Variants in WDR70 observed in about 807,000 individuals in gnomAD.
WDR70 encodes WD repeat domain 70.
In WDR70, 53 loss-of-function variants were observed where a neutral mutation model predicts 88.6. That is an observed-to-expected ratio of 0.60 (90% CI 0.48 to 0.75). The LOEUF (loss-of-function observed/expected upper bound fraction) is 0.75. WDR70 is among the 30% of genes least tolerant of loss of function. WDR70 has a pLI of 0.00. For missense variants in WDR70, 610 were observed against 823.2 expected (o/e 0.74, Z 3.17); for synonymous variants, 280 against 270.0 (o/e 1.04, Z -0.36).
At chr5:37,639,230 C>T (rs985446404) in intron 10 of WDR70, among the ~76,000 whole-genome samples, 4 of 152,146 alleles carry the variant, frequency 2.6e-5, no homozygotes, top group Non-Finnish European at 5.9e-5. Flanking sequence ...GACAATTTTA[C>T]ACATTCTGAT....
In WDR70 at chr5:37,449,219, CT is replaced by C. The variant is rs755394731; in HGVS notation, c.686+5851del. Among the ~76,000 whole-genome samples the C allele has an allele frequency of 3.2e-4, 48 of 152,240 alleles. 1 individual carries two copies. Among genetic ancestry groups the C allele is most frequent in the Middle Eastern group, 3.4e-3 (1 of 294 alleles). Reference sequence around the variant, plus strand: ...GTTTCAACTGTGGTGATTGGGAGCTCTTTTAGTTTGGTCTTTTGTCGCTTTG... The same window carrying C: ...GTTTCAACTGTGGTGATTGGGAGCTCTTTAGTTTGGTCTTTTGTCGCTTTG... On this transcript the variant is annotated intron_variant, in intron 7 of 17. Coordinates refer to ENST00000265107, the MANE Select transcript of WDR70 (RefSeq NM_018034.4).
chr5:37,730,220 A>C (rs1298395880), intron 17 of WDR70, among the ~76,000 whole-genome samples: 1 of 152,080 alleles, frequency 6.6e-6, no homozygotes, highest in Non-Finnish European at 1.5e-5. Context: ...GGTTATCTAA[A>C]TGTTTCTTCA....
chr5:37,721,026 A>T (rs1440973315), intron 13 of WDR70, 89 bp from the exon 14 acceptor site: 3 of 1,061,248 alleles, frequency 2.8e-6, no homozygotes, highest in South Asian at 2.6e-5. Context: ...ATGATATTTG[A>T]TATAGTAGAC....
intron 13 of WDR70, among the ~76,000 whole-genome samples, chr5:37,709,352 T>G (rs1747445952): frequency 6.6e-6 from 1 of 152,228 alleles, no homozygotes; most frequent in African/African-American, 2.4e-5. Context: ...TAATTCACTT[T>G]TTTTAGGAGG....
In WDR70 at chr5:37,438,956, C is replaced by CA. The variant is rs895223500; in HGVS notation, c.552+976dup. 1.1e-3 allele frequency among the ~76,000 whole-genome samples: 170 copies of CA among 148,628 alleles called. 1 individual carries two copies. The highest frequency in any genetic ancestry group is 4.1e-3 in the African/African-American group (165 of 40,608). ...TTTTTGAGACAGAGTCTCACTCTGT[C>CA]ACCTAGGCTGGAGTGCAGTGGTGTG... On this transcript the variant is annotated intron_variant, in intron 6 of 17. Coordinates refer to ENST00000265107, the MANE Select transcript of WDR70 (RefSeq NM_018034.4).
intron 16 of WDR70, 34 bp from the exon 17 acceptor site, chr5:37,726,849 A>T: frequency 6.4e-7 from 1 of 1,563,782 alleles, no homozygotes; most frequent in Admixed American, 2.0e-5. Flanking sequence ...ATGCTCATTC[A>T]GTTTCTAATT....
intron 17 of WDR70, among the ~76,000 whole-genome samples, chr5:37,747,057 A>G (rs992923456): frequency 1.3e-5 from 2 of 152,212 alleles, no homozygotes; most frequent in African/African-American, 4.8e-5. Flanking sequence ...CAGCACATCA[A>G]AAAACTTAAT....
intron 5 of WDR70, among the ~76,000 whole-genome samples, chr5:37,398,581 CTG>C (rs1037498303): frequency 3.3e-5 from 5 of 152,124 alleles, no homozygotes; most frequent in African/African-American, 1.2e-4. Flanking sequence ...TTGCGTCTGT[CTG>C]TAGTTGATCA....
At chr5:37,748,196 A>G (rs1000067381) in intron 17 of WDR70, among the ~76,000 whole-genome samples, 2 of 152,242 alleles carry the variant, frequency 1.3e-5, no homozygotes, top group Admixed American at 6.5e-5. Flanking sequence ...ATCCTAAGCA[A>G]AAAGAACAAA....
intron 11 of WDR70, among the ~76,000 whole-genome samples, chr5:37,699,228 A>G (rs917467850): frequency 2.6e-5 from 4 of 151,922 alleles, no homozygotes; most frequent in African/African-American, 9.7e-5. Flanking sequence ...AAATTACTCA[A>G]CTGAGTAATT....
intron 10 of WDR70, among the ~76,000 whole-genome samples, chr5:37,607,007 C>CT (rs1198700332): frequency 1.3e-5 from 2 of 148,842 alleles, no homozygotes; most frequent in East Asian, 4.0e-4. Context: ...GGAATGATCT[C>CT]AGCTCACTGC....
chr5:37,433,711 T>C (rs1750384653), intron 5 of WDR70, among the ~76,000 whole-genome samples: 1 of 152,224 alleles, frequency 6.6e-6, no homozygotes, highest in Admixed American at 6.5e-5. Context: ...AGATAACCTC[T>C]ATTTTTTGAA....
At chr5:37,382,909 A>G (rs1561831010) in intron 3 of WDR70, among the ~76,000 whole-genome samples, 1 of 151,822 alleles carries the variant, frequency 6.6e-6, no homozygotes, top group African/African-American at 2.4e-5. Context: ...GCTAGTAGGG[A>G]GGGTGAGGCA....
At chr5:37,603,075 A>G (rs536862948) in intron 9 of WDR70, among the ~76,000 whole-genome samples, 2 of 152,292 alleles carry the variant, frequency 1.3e-5, no homozygotes, top group Non-Finnish European at 2.9e-5. Context: ...AAACCATCCA[A>G]AGTGATCTAC....
chr5:37,719,151 A>C (rs1362155484), intron 13 of WDR70, among the ~76,000 whole-genome samples: 1 of 152,134 alleles, frequency 6.6e-6, no homozygotes, highest in Non-Finnish European at 1.5e-5. Context: ...GGCTGTGGCC[A>C]TCTGGGAATT....
intron 11 of WDR70, among the ~76,000 whole-genome samples, chr5:37,699,331 TACACACACACACAC>T (rs67566263): frequency 9.2e-5 from 13 of 141,646 alleles, no homozygotes; most frequent in Non-Finnish European, 1.1e-4. Context: ...CTTTCCATCA[TACACACACACACAC>T]ACACACACAC....
At chr5:37,702,720 G>C (rs567148122) in intron 12 of WDR70, among the ~76,000 whole-genome samples, 2 of 152,124 alleles carry the variant, frequency 1.3e-5, no homozygotes, top group African/African-American at 4.8e-5. Context: ...TTTTGTTGCC[G>C]TGTGCAAGGT....
chr5:37,380,010 C>A (rs1160749472), intron 2 of WDR70, among the ~76,000 whole-genome samples: 1 of 152,016 alleles, frequency 6.6e-6, no homozygotes, highest in Non-Finnish European at 1.5e-5. Context: ...CAGGTTATAC[C>A]AAAGTTAACA....
At chr5:37,427,243 G>C (rs1013021368) in intron 5 of WDR70, among the ~76,000 whole-genome samples, 2 of 152,130 alleles carry the variant, frequency 1.3e-5, no homozygotes, top group African/African-American at 4.8e-5. Flanking sequence ...CAAAAAATTA[G>C]CTGGGCGTGG....
Sources: gnomAD v4.1 joint callset for allele counts (sites outside exome capture counted in the v4.1 genomes callset) on GRCh38, gnomAD v4.1.1 for gene constraint, MANE v1.5 for transcripts, NCBI Gene and HGNC (gene_info 2026-07-23, HGNC 2026-07-21) for gene names.